The following ANO3 variants were observed in gnomAD, a reference collection of about 807,000 sequenced individuals.
ANO3 encodes the protein anoctamin-3.
ANO3 carries 99 observed loss-of-function variants against 144.8 expected under a neutral mutation model. The observed-to-expected ratio is 0.68, with a 90% CI of 0.58 to 0.81. The LOEUF (loss-of-function observed/expected upper bound fraction) is 0.81. ANO3 is among the 30% of genes least tolerant of loss of function. The pLI, the probability that ANO3 is intolerant of heterozygous loss-of-function variation, is 0.00. For synonymous variants in ANO3, 414 were observed against 392.6 expected, an observed-to-expected ratio of 1.05 and a Z score of -0.64; for missense variants, 905 against 1,202.2, an observed-to-expected ratio of 0.75 and a Z score of 3.66.
chr11:26,545,830 A>G (rs541947974), intron 11 of ANO3, among the ~76,000 whole-genome samples: 7 of 152,030 alleles, frequency 4.6e-5, no homozygotes, highest in Non-Finnish European at 8.8e-5. Context: ...CACAGGAATC[A>G]TAGAAGATTG....
At chr11:26,469,800 A>G (rs1238398758) in intron 4 of ANO3, among the ~76,000 whole-genome samples, 2 of 152,016 alleles carry the variant, frequency 1.3e-5, no homozygotes, top group East Asian at 3.9e-4. Flanking sequence ...ATTATAATGT[A>G]ATTTATAATG....
intron 13 of ANO3, among the ~76,000 whole-genome samples, chr11:26,556,619 C>G (rs1185368806): frequency 2.6e-5 from 4 of 152,126 alleles, no homozygotes; most frequent in Non-Finnish European, 5.9e-5. Flanking sequence ...TCAGGTGACT[C>G]TAATTTCTAG....
At chr11:26,251,568 G>T (rs949756066) in intron 1 of ANO3, among the ~76,000 whole-genome samples, 11 of 152,084 alleles carry the variant, frequency 7.2e-5, no homozygotes, top group Non-Finnish European at 1.5e-4. Flanking sequence ...AAAGTAAAAG[G>T]CAGCAAAGGA....
chr11:26,308,194 A>G (rs1854427421), upstream of ANO3, among the ~76,000 whole-genome samples: 1 of 152,212 alleles, frequency 6.6e-6, no homozygotes, highest in African/African-American at 2.4e-5. Context: ...TAGACAAGAA[A>G]AAACAATGAA....
intron 14 of ANO3, among the ~76,000 whole-genome samples, chr11:26,585,143 A>G (rs211066): frequency 0.27 from 40,690 of 152,024 alleles, 5,966 homozygotes; most frequent in African/African-American, 0.39. Context: ...AGGAGCTGAT[A>G]AACTTTCCAG....
At chr11:26,489,656 G>A (rs769456381) in intron 4 of ANO3, among the ~76,000 whole-genome samples, 1 of 152,230 alleles carries the variant, frequency 6.6e-6, no homozygotes. Flanking sequence ...GCCCAAGACT[G>A]TAGGAACCTA....
At chr11:26,619,741 A>G (rs1852361380) in intron 17 of ANO3, among the ~76,000 whole-genome samples, 1 of 152,214 alleles carries the variant, frequency 6.6e-6, no homozygotes, top group Non-Finnish European at 1.5e-5. Flanking sequence ...TGCTGGGATT[A>G]CAGGCGTGAG....
chr11:26,525,755 T>C, intron 7 of ANO3, 76 bp downstream of exon 7: 1 of 1,094,088 alleles, frequency 9.1e-7, no homozygotes. Context: ...TGATTCCCCA[T>C]ATCAGCAGTT....
intron 1 of ANO3, among the ~76,000 whole-genome samples, chr11:26,259,115 T>C (rs1430073133): frequency 6.6e-6 from 1 of 152,154 alleles, no homozygotes; most frequent in Non-Finnish European, 1.5e-5. Context: ...CCATAATACT[T>C]GGTTCTAAGA....
At chr11:26,479,956 C>T (rs1382524594) in intron 4 of ANO3, among the ~76,000 whole-genome samples, 2 of 152,006 alleles carry the variant, frequency 1.3e-5, no homozygotes, top group Admixed American at 6.6e-5. Context: ...AAAATGTCAT[C>T]GCTAGGGGCA....
Position 26,412,196 on chromosome 11 carries a change from A to C in ANO3, c.47-29722A>C, listed in dbSNP as rs541382561. Among the ~76,000 whole-genome samples the C allele has an allele frequency of 7.9e-5, 12 of 152,160 alleles. No individual in the cohort carries two copies. The South Asian group carries it at 2.3e-3, about 29-fold the overall frequency. On this transcript the variant is annotated intron_variant, in intron 1 of 26. Coordinates refer to ENST00000256737, the MANE Select transcript of ANO3 (RefSeq NM_031418.4). ...TAATATGAATTCAACTATTTATATG[A>C]ATTCAGGCAATTTCATTAGGCTATC...
chr11:26,549,568 T>TG (rs1463894315), intron 12 of ANO3, among the ~76,000 whole-genome samples: 7 of 151,984 alleles, frequency 4.6e-5, no homozygotes, highest in African/African-American at 1.7e-4. Context: ...CTACAAGTTA[T>TG]GTCCAACTAA....
At chr11:26,293,299 T>G (rs1392695699) in intron 1 of ANO3, among the ~76,000 whole-genome samples, 1 of 151,858 alleles carries the variant, frequency 6.6e-6, no homozygotes, top group Non-Finnish European at 1.5e-5. Flanking sequence ...AAAGAATTTT[T>G]GAAAAAATAT....
chr11:26,242,783 T>C (rs1034970989), intron 1 of ANO3, among the ~76,000 whole-genome samples: 2 of 152,122 alleles, frequency 1.3e-5, no homozygotes, highest in African/African-American at 4.8e-5. Context: ...TAAATCAATA[T>C]TGTAAAGATT....
chr11:26,585,155 G>T (rs7116077), intron 14 of ANO3, among the ~76,000 whole-genome samples: 1 of 152,028 alleles, frequency 6.6e-6, no homozygotes, highest in Non-Finnish European at 1.5e-5. Context: ...ACTTTCCAGA[G>T]TGGTTAAAAA....
At chr11:26,232,366 A>G (rs1006530224) in intron 1 of ANO3, among the ~76,000 whole-genome samples, 4 of 152,176 alleles carry the variant, frequency 2.6e-5, no homozygotes, top group African/African-American at 9.6e-5. Flanking sequence ...TAAAAGACAG[A>G]AAAACAGAGT....
intron 1 of ANO3, among the ~76,000 whole-genome samples, chr11:26,207,835 G>A (rs900602550): frequency 1.3e-5 from 2 of 152,154 alleles, no homozygotes; most frequent in Non-Finnish European, 2.9e-5. Flanking sequence ...TAGTATGTAA[G>A]ATTGAAGGCA....
chr11:26,207,079 C>T (rs1851810395), intron 1 of ANO3, among the ~76,000 whole-genome samples: 2 of 151,942 alleles, frequency 1.3e-5, no homozygotes, highest in African/African-American at 2.4e-5. Flanking sequence ...TCAAAGGATA[C>T]GAAGTTTCAG....
chr11:26,264,001 A>T (rs998366766), intron 1 of ANO3, among the ~76,000 whole-genome samples: 1 of 152,216 alleles, frequency 6.6e-6, no homozygotes, highest in Admixed American at 6.5e-5. Flanking sequence ...TAATCACATT[A>T]GTTCTATATT....
Sources: allele counts gnomAD v4.1 joint callset (sites outside exome capture counted in the v4.1 genomes callset), GRCh38; gene constraint gnomAD v4.1.1; transcripts MANE v1.5; gene names NCBI Gene and HGNC (gene_info 2026-07-23, HGNC 2026-07-21).